Variants in MCRIP2 observed in about 807,000 individuals in gnomAD.
The protein encoded by MCRIP2 is MAPK regulated co-repressor interacting protein 2.
Under a neutral mutation model 23.2 loss-of-function variants are expected in MCRIP2, and 21 were observed. The ratio of observed to expected loss-of-function variants is 0.90; its 90% CI spans 0.64 to 1.30. The LOEUF (loss-of-function observed/expected upper bound fraction) is 1.30. MCRIP2 is among the 50% of genes most tolerant of loss of function. The pLI, the probability that MCRIP2 is intolerant of heterozygous loss-of-function variation, is 0.00. For synonymous variants in MCRIP2, 121 were observed against 100.2 expected, an observed-to-expected ratio of 1.21 and a Z score of -1.24; for missense variants, 234 against 223.2, an observed-to-expected ratio of 1.05 and a Z score of -0.31.
chr16:648,438 G>A lies in MCRIP2; in HGVS notation c.*248G>A. 1.8e-6 allele frequency: 1 copy of A among 561,978 alleles called. No individual in the cohort carries two copies. The highest frequency in any genetic ancestry group is 2.1e-5 in the South Asian group (1 of 46,646). The allele number at this position is 561,978 out of a possible 1,614,324, so 34.8% of individuals were successfully genotyped here. ...CAGCGACCAGCCCCTGGGGCTGGCA[G>A]GGAGGAGCTCCAGGCTAATAAAGTG... On this transcript the variant is annotated 3_prime_UTR_variant, in exon 5 of 5. Coordinates refer to ENST00000307650, the MANE Select transcript of MCRIP2 (RefSeq NM_138418.4).
Position 642,126 on chromosome 16 carries a change from C to T in MCRIP2, c.59C>T (p.Thr20Met), listed in dbSNP as rs960563905. Residue 20 changes from threonine to methionine, a missense_variant, in exon 2 of 5, where the codon ACG becomes ATG. Coordinates refer to ENST00000307650, the MANE Select transcript of MCRIP2 (RefSeq NM_138418.4). ...CGCCCCCCGGTGCCCGCAGGTCCCA[C>T]GCAGCAGCAGGTGGAGGGCCGGCTC... is the stretch of plus-strand genomic sequence containing the variant. ...KLVAQRRTGP[T>M]QQQVEGRLGE... 1.7e-5 allele frequency: 23 copies of T among 1,367,452 alleles called. No individual in the cohort carries two copies. In the African/African-American group the frequency reaches 3.4e-4, roughly 20 times the overall value. 84.7% of individuals were successfully genotyped at this position (1,367,452 alleles called of 1,614,324 possible).
Position 646,610 on chromosome 16 carries a change from T to C in MCRIP2, c.183-807T>C, listed in dbSNP as rs1041736065. The stretch of plus-strand genomic sequence containing the variant: ...CCCGGCTCCCACCTCCGGCTGTAGG[T>C]GCGGCCCCATTCCCTCCACGGCCCT... On this transcript the variant is annotated intron_variant, in intron 2 of 4. Coordinates refer to ENST00000307650, the MANE Select transcript of MCRIP2 (RefSeq NM_138418.4). This position sits in a 1 kb window ranked among gnomAD's most constrained non-coding sequence, Gnocchi z 6.5. 1 of 152,054 alleles carries C rather than the reference T, an allele frequency of 6.6e-6. No homozygotes were observed. Among genetic ancestry groups the C allele is most frequent in the African/African-American group, 2.4e-5 (1 of 41,392 alleles). The allele number at this position is 152,054 out of a possible 1,614,324, so 9.4% of individuals were successfully genotyped here. A position where few individuals can be genotyped will look rare whatever the true frequency, so the allele number is the denominator to read the frequency against.
At chr16:644,646 C>T (rs1163449435) in intron 2 of MCRIP2, among the ~76,000 whole-genome samples, 1 of 152,030 alleles carries the variant, frequency 6.6e-6, no homozygotes, top group Non-Finnish European at 1.5e-5. Flanking sequence ...CACTATGTGG[C>T]CCAGGGTAGT....
At chr16:645,631 A>G (rs1159802446) in intron 2 of MCRIP2, 5 of 152,220 alleles carry the variant, frequency 3.3e-5, no homozygotes, top group East Asian at 1.9e-4. Flanking sequence ...CTGAGGCGAT[A>G]TAAGTAATAA....
rs1267542201 is a variant in MCRIP2, at chr16:641,910, C to T, written c.-82C>T. 4 of 1,200,282 alleles carry T rather than the reference C, an allele frequency of 3.3e-6. No homozygotes were observed. Among genetic ancestry groups the T allele is most frequent in the Non-Finnish European group, 2.1e-6 (2 of 953,846 alleles). 74.4% of individuals were successfully genotyped at this position (1,200,282 alleles called of 1,614,324 possible). A position where few individuals can be genotyped will look rare whatever the true frequency, so the allele number is the denominator to read the frequency against. On this transcript the variant is annotated 5_prime_UTR_variant, in exon 1 of 5. Coordinates refer to ENST00000307650, the MANE Select transcript of MCRIP2 (RefSeq NM_138418.4). ...TAGCGGGCCCGCCCCCTCCCCGCGG[C>T]GCCCGCAGTCCGTTAAGTGCGAGCC...
intron 2 of MCRIP2, 40 bp from the exon 3 acceptor site, chr16:647,377 G>C (rs901703267): frequency 6.2e-7 from 1 of 1,607,868 alleles, no homozygotes; most frequent in Admixed American, 1.7e-5. Flanking sequence ...ACCGCACCTG[G>C]GATGGGCACC....
chr16:643,778 C>T (rs1363208606), intron 2 of MCRIP2, among the ~76,000 whole-genome samples: 1 of 152,152 alleles, frequency 6.6e-6, no homozygotes, highest in Non-Finnish European at 1.5e-5. Flanking sequence ...ATGATCCACC[C>T]GCCTCAGCCC....
Position 648,453 on chromosome 16 carries a change from C to T in MCRIP2, c.*263C>T. 1 of 541,188 alleles carries T rather than the reference C, an allele frequency of 1.8e-6. No homozygotes were observed. Among genetic ancestry groups the T allele is most frequent in the Non-Finnish European group, 3.3e-6 (1 of 302,006 alleles). 33.5% of individuals were successfully genotyped at this position (541,188 alleles called of 1,614,324 possible). On this transcript the variant is annotated 3_prime_UTR_variant, in exon 5 of 5. Coordinates refer to ENST00000307650, the MANE Select transcript of MCRIP2 (RefSeq NM_138418.4). ...GGGGCTGGCAGGGAGGAGCTCCAGG[C>T]TAATAAAGTGGAGAAACTGTCTTTT... is the stretch of plus-strand genomic sequence containing the variant.
chr16:644,251 T>G (rs997976339), intron 2 of MCRIP2, among the ~76,000 whole-genome samples: 2 of 152,088 alleles, frequency 1.3e-5, no homozygotes, highest in Non-Finnish European at 2.9e-5. Context: ...CCAGCTAATC[T>G]TGTATTTTTA....
intron 2 of MCRIP2, chr16:645,942 TG>T (rs2037469789): frequency 6.6e-6 from 1 of 152,234 alleles, no homozygotes; most frequent in Non-Finnish European, 1.5e-5. Context: ...AGGGATGGGC[TG>T]TGGAGGGGAG....
chr16:647,956 G>A, intron 4 of MCRIP2, 72 bp downstream of exon 4: 2 of 1,223,710 alleles, frequency 1.6e-6, no homozygotes, highest in Non-Finnish European at 1.1e-6. Flanking sequence ...GCCCTGCCAG[G>A]TTCCCACCCC....
intron 2 of MCRIP2, chr16:645,090 C>G (rs1459831049): frequency 6.6e-6 from 1 of 152,186 alleles, no homozygotes; most frequent in Non-Finnish European, 1.5e-5. Context: ...TCCCGAGCAG[C>G]TGGGACTACA....
At position 646,075 on chromosome 16, in the gene MCRIP2, C is replaced by G. The variant is rs1372398636; in HGVS notation, c.183-1342C>G. 2 of 152,218 alleles carry G rather than the reference C, an allele frequency of 1.3e-5. No individual in the cohort carries two copies. The highest frequency in any genetic ancestry group is 4.8e-5 in the African/African-American group (2 of 41,448). The allele number at this position is 152,218 out of a possible 1,614,324, so 9.4% of individuals were successfully genotyped here. A position where few individuals can be genotyped will look rare whatever the true frequency, so the allele number is the denominator to read the frequency against. ...TGCTCGCCGGGCCGGTGCCCTTTCC[C>G]CCAGAGAGCAGCAGCCTTACGTAAC... On this transcript the variant is annotated intron_variant, in intron 2 of 4. Coordinates refer to ENST00000307650, the MANE Select transcript of MCRIP2 (RefSeq NM_138418.4). The surrounding 1 kb of genome is among the most constrained non-coding windows in gnomAD (Gnocchi z 6.5).
In MCRIP2 at chr16:646,395, C is replaced by G. The variant is rs1329237157; in HGVS notation, c.183-1022C>G. The G allele has an allele frequency of 6.6e-6, 1 of 152,274 alleles. No individual in the cohort carries two copies. Among genetic ancestry groups the G allele is most frequent in the Non-Finnish European group, 1.5e-5 (1 of 68,078 alleles). The allele number at this position is 152,274 out of a possible 1,614,324, so 9.4% of individuals were successfully genotyped here. On this transcript the variant is annotated intron_variant, in intron 2 of 4. Transcript: ENST00000307650. This position sits in a 1 kb window ranked among gnomAD's most constrained non-coding sequence, Gnocchi z 6.5. ...ATCTCCACCTGCACGTTTTAAGATCCTCTGTGGCCACCAGACCCTGCCAGC... is the reference window on the plus strand; with the variant it reads ...ATCTCCACCTGCACGTTTTAAGATCGTCTGTGGCCACCAGACCCTGCCAGC...
chr16:641,948 C>T lies in MCRIP2; in HGVS notation c.-44C>T, dbSNP rs1279775403. On this transcript the variant is annotated 5_prime_UTR_variant, in exon 1 of 5. Transcript: ENST00000307650. The stretch of plus-strand genomic sequence containing the variant: ...TTAAGTGCGAGCCCCGGCGCAGGGG[C>T]CGGATCTGGCCGGGGGCCGGCGGCG... 3 of 1,290,122 alleles carry T rather than the reference C, an allele frequency of 2.3e-6. No homozygotes were observed. The highest frequency in any genetic ancestry group is 2.3e-5 in the South Asian group (1 of 43,272). The allele number at this position is 1,290,122 out of a possible 1,614,324, so 79.9% of individuals were successfully genotyped here. A position where few individuals can be genotyped will look rare whatever the true frequency, so the allele number is the denominator to read the frequency against.
rs2151103168 is a variant in MCRIP2 at position 646,830 on chromosome 16, G to A, written c.183-587G>A. The A allele has an allele frequency of 6.5e-6, 1 of 154,424 alleles. No homozygotes were observed. The highest frequency in any genetic ancestry group is 2.4e-5 in the African/African-American group (1 of 41,576). 9.6% of individuals were successfully genotyped at this position (154,424 alleles called of 1,614,324 possible). Reference sequence around the variant, plus strand: ...GGTTATAGTCACTCTCCCGACTCAGGGACTGCCCATCCCGGCACCCAGTCC... The same window carrying A: ...GGTTATAGTCACTCTCCCGACTCAGAGACTGCCCATCCCGGCACCCAGTCC... On this transcript the variant is annotated intron_variant, in intron 2 of 4. Coordinates refer to ENST00000307650, the MANE Select transcript of MCRIP2 (RefSeq NM_138418.4). This position sits in a 1 kb window ranked among gnomAD's most constrained non-coding sequence, Gnocchi z 6.5.
rs368746198 is a variant in MCRIP2, at chr16:648,230, C to T, written c.*40C>T. The T allele has an allele frequency of 2.0e-5, 31 of 1,574,384 alleles. No homozygotes were observed. The highest frequency in any genetic ancestry group is 5.4e-5 in the African/African-American group (4 of 74,366). ...GGGCGCTGCTACACGGCCGACCTGTCGCCAGGAGAGAAGCATGGCGCCCTG... is the reference window on the plus strand; with the variant it reads ...GGGCGCTGCTACACGGCCGACCTGTTGCCAGGAGAGAAGCATGGCGCCCTG... On this transcript the variant is annotated 3_prime_UTR_variant, in exon 5 of 5. Coordinates refer to ENST00000307650, the MANE Select transcript of MCRIP2 (RefSeq NM_138418.4).
Position 642,067 on chromosome 16 carries a change from A to G in MCRIP2, c.52+24A>G, listed in dbSNP as rs537602920. 1.0e-4 allele frequency: 132 copies of G among 1,318,718 alleles called. No individual in the cohort carries two copies. The African/African-American group carries it at 1.7e-3, about 17-fold the overall frequency. 81.7% of individuals were successfully genotyped at this position (1,318,718 alleles called of 1,614,324 possible). A position where few individuals can be genotyped will look rare whatever the true frequency, so the allele number is the denominator to read the frequency against. On this transcript the variant is annotated intron_variant, in intron 1 of 4. Transcript: ENST00000307650. ...AGGTGCGCACGGGCCGGGGAACGGG[A>G]ACGGGGACGGGGCGGGGCGCGGCGG...
chr16:647,248 A>G, intron 2 of MCRIP2, 169 bp from the exon 3 acceptor site: 1 of 824,802 alleles, frequency 1.2e-6, no homozygotes, highest in Non-Finnish European at 1.9e-6. Flanking sequence ...ACTGCAAGAG[A>G]GGCCTGGGCC....
Sources: gnomAD v4.1 joint callset for allele counts (sites outside exome capture counted in the v4.1 genomes callset) on GRCh38, gnomAD v4.1.1 for gene constraint, Gnocchi (gnomAD v3.1) non-coding constraint, MANE v1.5 for transcripts, NCBI Gene and HGNC (gene_info 2026-07-23, HGNC 2026-07-21) for gene names.